The following SERAC1 variants were observed in gnomAD, a reference collection of about 807,000 sequenced individuals.
The protein encoded by SERAC1 is protein SERAC1.
Under a neutral mutation model 85.7 loss-of-function variants are expected in SERAC1, and 36 were observed. The observed-to-expected ratio is 0.42, with a 90% CI of 0.32 to 0.55. SERAC1 has a LOEUF of 0.55. Among genes scored for constraint, SERAC1 ranks in the 20% least tolerant of loss-of-function variants. The pLI is 0.11. For synonymous variants in SERAC1, 242 were observed against 265.3 expected, an observed-to-expected ratio of 0.91 and a Z score of 0.85; for missense variants, 629 against 796.2, an observed-to-expected ratio of 0.79 and a Z score of 2.53.
chr6:158,154,387 G>A (rs1256777738), intron 3 of SERAC1, among the ~76,000 whole-genome samples: 1 of 152,024 alleles, frequency 6.6e-6, no homozygotes, highest in African/African-American at 2.4e-5. Flanking sequence ...GCTTTGCCCA[G>A]AATGAGTCAA....
intron 10 of SERAC1, among the ~76,000 whole-genome samples, chr6:158,124,058 C>T (rs1009838274): frequency 2.0e-5 from 3 of 152,266 alleles, no homozygotes; most frequent in South Asian, 4.1e-4. Context: ...ATGAGAAGGT[C>T]ATGGAATTGA....
At chr6:158,129,557 A>C (rs1436040650) in intron 9 of SERAC1, among the ~76,000 whole-genome samples, 1 of 152,300 alleles carries the variant, frequency 6.6e-6, no homozygotes, top group East Asian at 1.9e-4. Context: ...GAGCACTACA[A>C]GGTTTGTTGC....
At position 158,128,333 on chromosome 6, in the gene SERAC1, C is replaced by G. The variant is rs1431936430; in HGVS notation, c.853-63G>C. 4 of 1,535,516 alleles carry G rather than the reference C, an allele frequency of 2.6e-6. No homozygotes were observed. In the African/African-American group the frequency reaches 4.1e-5, roughly 16 times the overall value. ...TACAAATTCATGACGTGAGATGACA[C>G]AGCCTGGTCATGGGGACAGCTAGGT... On this transcript the variant is annotated intron_variant, in intron 9 of 16. Transcript: ENST00000647468.
intron 8 of SERAC1, among the ~76,000 whole-genome samples, chr6:158,135,010 G>A (rs560283244): frequency 2.6e-5 from 4 of 152,144 alleles, no homozygotes; most frequent in South Asian, 2.1e-4. Context: ...CACCTCTATC[G>A]TATTCCTGTA....
intron 1 of SERAC1, among the ~76,000 whole-genome samples, chr6:158,164,266 G>A (rs1785549016): frequency 1.3e-5 from 2 of 151,780 alleles, no homozygotes; most frequent in Non-Finnish European, 2.9e-5. Flanking sequence ...ACGAGGTCAG[G>A]AGATCGAGAC....
intron 10 of SERAC1, among the ~76,000 whole-genome samples, chr6:158,125,020 A>C (rs553110488): frequency 2.6e-5 from 4 of 152,194 alleles, no homozygotes; most frequent in Non-Finnish European, 5.9e-5. Context: ...ATATGCAAAC[A>C]AAAAAGATTT....
chr6:158,165,216 C>T (rs572370692), intron 1 of SERAC1, among the ~76,000 whole-genome samples: 3 of 151,962 alleles, frequency 2.0e-5, no homozygotes, highest in South Asian at 4.2e-4. Flanking sequence ...AGTGCAGTGG[C>T]GCGATCTCGG....
At chr6:158,156,890 A>ATTTATATAAATATTAATATG in intron 2 of SERAC1, among the ~76,000 whole-genome samples, 1 of 129,642 alleles carries the variant, frequency 7.7e-6, no homozygotes, top group African/African-American at 3.0e-5. Flanking sequence ...ATATTAATAT[A>ATTTATATAAATATTAATATG]TTTATATAGA....
intron 8 of SERAC1, among the ~76,000 whole-genome samples, chr6:158,134,859 A>G (rs1412062867): frequency 6.6e-6 from 1 of 152,164 alleles, no homozygotes; most frequent in Non-Finnish European, 1.5e-5. Context: ...ATTAATTTCA[A>G]ATACATAAAT....
chr6:158,113,026 G>A (rs1027897182), intron 16 of SERAC1: 1 of 186,490 alleles, frequency 5.4e-6, no homozygotes, highest in African/African-American at 2.3e-5. Flanking sequence ...GAATATTTCT[G>A]GAGCTTTACT....
chr6:158,131,605 C>T (rs894726144), intron 8 of SERAC1, among the ~76,000 whole-genome samples: 2 of 151,804 alleles, frequency 1.3e-5, no homozygotes, highest in South Asian at 2.1e-4. Context: ...ATCGAACAGA[C>T]GAGGTTCTAG....
intron 3 of SERAC1, chr6:158,150,970 T>C (rs1219885849): frequency 6.0e-6 from 1 of 165,340 alleles, no homozygotes; most frequent in Non-Finnish European, 1.3e-5. Context: ...TAATAATAAA[T>C]GTTACTGATT....
Position 158,128,246 on chromosome 6 carries a change from C to G in SERAC1, c.877G>C (p.Glu293Gln). The G allele has an allele frequency of 6.2e-7, 1 of 1,613,932 alleles. No individual in the cohort carries two copies. The highest frequency in any genetic ancestry group is 8.5e-7 in the Non-Finnish European group (1 of 1,179,898). Residue 293 changes from glutamate to glutamine, a missense_variant, in exon 10 of 17, where the codon GAA becomes CAA. Glu to Gln is a conservative substitution (Grantham distance 29). Coordinates refer to ENST00000647468, the MANE Select transcript of SERAC1 (RefSeq NM_032861.4). ...SEISTHCDKIEANGGLQLLQR... is the reference protein window; with the variant it reads ...SEISTHCDKIQANGGLQLLQR... ...AGTAGCTGCAGGCCTCCATTTGCTT[C>G]GATTTTATCACAATGTGTGGATATC...
intron 10 of SERAC1, among the ~76,000 whole-genome samples, chr6:158,123,855 C>T (rs1784474597): frequency 6.6e-6 from 1 of 152,086 alleles, no homozygotes; most frequent in Non-Finnish European, 1.5e-5. Context: ...ATAAAGGGGT[C>T]TGTGGATAGA....
intron 8 of SERAC1, among the ~76,000 whole-genome samples, chr6:158,142,697 A>T (rs1477364612): frequency 6.6e-6 from 1 of 151,994 alleles, no homozygotes; most frequent in African/African-American, 2.4e-5. Flanking sequence ...GGATGGTCTC[A>T]ATCTCTTGAC....
At chr6:158,114,693 A>AAATGAGATAATACATTCAAGGAATATAC (rs1784234708) in intron 15 of SERAC1, 96 bp downstream of exon 15, 1 of 1,579,422 alleles carries the variant, frequency 6.3e-7, no homozygotes, top group Non-Finnish European at 8.6e-7. Flanking sequence ...ACAAATTATA[A>AAATGAGATAATACATTCAAGGAATATAC]AATGAGATAA....
rs564213526 is a variant in SERAC1 at position 158,157,158 on chromosome 6, A to T, written c.91+1115T>A. On this transcript the variant is annotated intron_variant, in intron 2 of 16. Coordinates refer to ENST00000647468, the MANE Select transcript of SERAC1 (RefSeq NM_032861.4). ...ATTACAGGCGCCCACCACCACACCCAGCTAATTTTTGTATTTTTAGTAGTG... is the reference window on the plus strand; with the variant it reads ...ATTACAGGCGCCCACCACCACACCCTGCTAATTTTTGTATTTTTAGTAGTG... 2.0e-5 allele frequency among the ~76,000 whole-genome samples: 3 copies of T among 151,392 alleles called. No homozygotes were observed. In the South Asian group the frequency reaches 6.2e-4, roughly 32 times the overall value.
At position 158,117,322 on chromosome 6, in the gene SERAC1, T is replaced by G; in HGVS notation, c.1403+405A>C. On this transcript the variant is annotated intron_variant, in intron 13 of 16. Transcript: ENST00000647468. The surrounding 1 kb of genome is among the most constrained non-coding windows in gnomAD (Gnocchi z 4.3). ...CAGCACTCCTTCCCATGTATACAACTGGCACAGATGACATACAAGGGAAAT... is the reference window on the plus strand; with the variant it reads ...CAGCACTCCTTCCCATGTATACAACGGGCACAGATGACATACAAGGGAAAT... The G allele has an allele frequency of 6.7e-6, 4 of 601,496 alleles. No homozygotes were observed. The highest frequency in any genetic ancestry group is 2.8e-5 in the East Asian group (1 of 35,914). The allele number at this position is 601,496 out of a possible 1,614,324, so 37.3% of individuals were successfully genotyped here. A position where few individuals can be genotyped will look rare whatever the true frequency, so the allele number is the denominator to read the frequency against.
At chr6:158,122,800 C>T (rs1784453136) in intron 10 of SERAC1, among the ~76,000 whole-genome samples, 1 of 152,060 alleles carries the variant, frequency 6.6e-6, no homozygotes, top group African/African-American at 2.4e-5. Flanking sequence ...AAAAATGTAG[C>T]TCTATGTGCA....
Sources: gnomAD v4.1 joint callset for allele counts (sites outside exome capture counted in the v4.1 genomes callset) on GRCh38, gnomAD v4.1.1 for gene constraint, Gnocchi (gnomAD v3.1) non-coding constraint, MANE v1.5 for transcripts, NCBI Gene and HGNC (gene_info 2026-07-23, HGNC 2026-07-21) for gene names.